Variants in ZMAT4 observed in about 807,000 individuals in gnomAD.
ZMAT4 encodes zinc finger matrin-type 4.
Under a neutral mutation model 28.7 loss-of-function variants are expected in ZMAT4, and 17 were observed. The observed-to-expected ratio is 0.59, with a 90% confidence interval of 0.41 to 0.89. The LOEUF (loss-of-function observed/expected upper bound fraction) is 0.89, where lower values mean the gene tolerates loss of function less well. Among genes scored for constraint, ZMAT4 ranks in the 40% least tolerant of loss-of-function variants. The pLI is 0.00. For synonymous variants in ZMAT4, 117 were observed against 109.2 expected, an observed-to-expected ratio of 1.07 and a Z score of -0.44; for missense variants, 240 against 283.8, an observed-to-expected ratio of 0.85 and a Z score of 1.11.
intron 4 of ZMAT4, among the ~76,000 whole-genome samples, chr8:40,683,767 G>A (rs1204323461): frequency 1.3e-5 from 2 of 151,878 alleles, no homozygotes; most frequent in Admixed American, 1.3e-4. Flanking sequence ...TTCAATTTAT[G>A]GGTATAATTA....
At chr8:40,632,390 C>A (rs1158870327) in intron 5 of ZMAT4, among the ~76,000 whole-genome samples, 1 of 152,028 alleles carries the variant, frequency 6.6e-6, no homozygotes, top group Non-Finnish European at 1.5e-5. Context: ...ACAATGCTAT[C>A]TCAAAAATAA....
chr8:40,864,282 C>T (rs780654741), intron 1 of ZMAT4, among the ~76,000 whole-genome samples: 4 of 152,208 alleles, frequency 2.6e-5, no homozygotes, highest in Admixed American at 6.5e-5. Flanking sequence ...TTCCTGTTCT[C>T]CTCTTACTAT....
intron 5 of ZMAT4, among the ~76,000 whole-genome samples, chr8:40,589,766 C>CTTTCTT (rs1563353970): frequency 6.2e-4 from 84 of 134,688 alleles, no homozygotes; most frequent in African/African-American, 2.0e-3. Context: ...CTTTCTTTTT[C>CTTTCTT]TTTCTTTCTT....
intron 2 of ZMAT4, among the ~76,000 whole-genome samples, chr8:40,782,079 T>A (rs1038808249): frequency 3.3e-5 from 5 of 152,072 alleles, no homozygotes; most frequent in Non-Finnish European, 5.9e-5. Context: ...AAATTGGATG[T>A]CATCAAAATT....
At chr8:40,738,371 T>C (rs1811864078) in intron 3 of ZMAT4, among the ~76,000 whole-genome samples, 1 of 152,156 alleles carries the variant, frequency 6.6e-6, no homozygotes, top group South Asian at 2.1e-4. Flanking sequence ...GCAGGATACC[T>C]TGTCCCCATG....
chr8:40,637,563 A>G (rs1806843297), intron 5 of ZMAT4, among the ~76,000 whole-genome samples: 1 of 152,244 alleles, frequency 6.6e-6, no homozygotes, highest in African/African-American at 2.4e-5. Flanking sequence ...TTAATTTTAG[A>G]AACATAAATT....
chr8:40,609,476 C>T (rs746272721), intron 5 of ZMAT4, among the ~76,000 whole-genome samples: 21 of 152,118 alleles, frequency 1.4e-4, no homozygotes, highest in Non-Finnish European at 2.6e-4. Flanking sequence ...TGAGGGCTGG[C>T]AGTATGTTTT....
chr8:40,775,743 T>A (rs1318053604), intron 2 of ZMAT4, among the ~76,000 whole-genome samples: 1 of 152,192 alleles, frequency 6.6e-6, no homozygotes, highest in Non-Finnish European at 1.5e-5. Flanking sequence ...ATCGTGGACA[T>A]TTGTTTTATT....
At chr8:40,576,928 T>C (rs1804285868) in intron 6 of ZMAT4, among the ~76,000 whole-genome samples, 1 of 152,158 alleles carries the variant, frequency 6.6e-6, no homozygotes, top group Admixed American at 6.5e-5. Context: ...GTGTGGTGGC[T>C]CACACCTGTA....
chr8:40,665,487 GC>G (rs886700994), intron 5 of ZMAT4, among the ~76,000 whole-genome samples: 29 of 152,090 alleles, frequency 1.9e-4, no homozygotes, highest in Admixed American at 6.5e-5. Context: ...TCTCACCCAG[GC>G]CCCCATGAAT....
At chr8:40,829,543 T>C (rs752545538) in intron 1 of ZMAT4, among the ~76,000 whole-genome samples, 1 of 152,198 alleles carries the variant, frequency 6.6e-6, no homozygotes, top group Non-Finnish European at 1.5e-5. Flanking sequence ...GGAGTGCTTT[T>C]ATTGATTCTA....
chr8:40,881,477 AAGAAAGAAAGAAAGAAAGAAAG>A (rs1423889364), intron 1 of ZMAT4, among the ~76,000 whole-genome samples: 1 of 147,834 alleles, frequency 6.8e-6, no homozygotes, highest in Non-Finnish European at 1.5e-5. Flanking sequence ...GAAAGAAAGA[AAGAAAGAAAGAAAGAAAGAAAG>A]AGGAAGGAAG....
intron 1 of ZMAT4, among the ~76,000 whole-genome samples, chr8:40,885,441 C>A (rs1460238874): frequency 6.6e-6 from 1 of 152,342 alleles, no homozygotes; most frequent in South Asian, 2.1e-4. Context: ...TCCGAGGGCG[C>A]CTCTGCCTCC....
At chr8:40,659,757 G>T (rs968342994) in intron 5 of ZMAT4, among the ~76,000 whole-genome samples, 1 of 152,156 alleles carries the variant, frequency 6.6e-6, no homozygotes, top group Non-Finnish European at 1.5e-5. Context: ...TCTGAGAGGA[G>T]ACTGAGGCCC....
chr8:40,684,872 A>T (rs1809330563), intron 4 of ZMAT4, among the ~76,000 whole-genome samples: 1 of 152,026 alleles, frequency 6.6e-6, no homozygotes, highest in Non-Finnish European at 1.5e-5. Context: ...CTGTGTCTAT[A>T]ACCGCTCTTC....
chr8:40,838,565 C>G (rs1272293524), intron 1 of ZMAT4, among the ~76,000 whole-genome samples: 1 of 152,058 alleles, frequency 6.6e-6, no homozygotes, highest in East Asian at 1.9e-4. Context: ...GGGGGTGATA[C>G]CCTTCTAATG....
At chr8:40,777,302 T>A (rs553466552) in intron 2 of ZMAT4, among the ~76,000 whole-genome samples, 1 of 152,350 alleles carries the variant, frequency 6.6e-6, no homozygotes, top group East Asian at 1.9e-4. Flanking sequence ...CACACCTGGC[T>A]GCAGATGGGC....
intron 3 of ZMAT4, among the ~76,000 whole-genome samples, chr8:40,697,856 A>G (rs186248142): frequency 3.7e-4 from 56 of 152,274 alleles, no homozygotes; most frequent in African/African-American, 1.2e-3. Context: ...TGTAGAGATG[A>G]GTTATCCAAA....
At chr8:40,693,419 C>T (rs7814992) in intron 4 of ZMAT4, among the ~76,000 whole-genome samples, 51,167 of 152,016 alleles carry the variant, frequency 0.34, 8,894 homozygotes, top group Non-Finnish European at 0.38. Flanking sequence ...CAGTCACATC[C>T]TTTTCATCAA....
Sources: allele counts gnomAD v4.1 joint callset (sites outside exome capture counted in the v4.1 genomes callset), GRCh38; gene constraint gnomAD v4.1.1; transcripts MANE v1.5; gene names NCBI Gene and HGNC (gene_info 2026-07-23, HGNC 2026-07-21).